Variants in ROR1 observed in about 807,000 individuals in gnomAD.
ROR1 encodes the protein inactive tyrosine-protein kinase transmembrane receptor ROR1.
ROR1 carries 19 observed loss-of-function variants against 78.8 expected under a neutral mutation model. That is an observed-to-expected ratio of 0.24 (90% CI 0.17 to 0.35). ROR1 has a LOEUF of 0.35. Among genes scored for constraint, ROR1 ranks in the 10% least tolerant of loss-of-function variants. The pLI is 1.00. For synonymous variants in ROR1, 386 were observed against 433.6 expected (o/e 0.89, Z 1.36); for missense variants, 917 against 1,177.8 (o/e 0.78, Z 3.24).
intron 4 of ROR1, among the ~76,000 whole-genome samples, chr1:64,131,154 G>T (rs532566149): frequency 6.6e-6 from 1 of 152,256 alleles, no homozygotes; most frequent in East Asian, 1.9e-4. Context: ...ATCTCTTTGA[G>T]CTGTGTGATG....
At chr1:63,881,467 C>T (rs955921475) in intron 1 of ROR1, among the ~76,000 whole-genome samples, 8 of 152,114 alleles carry the variant, frequency 5.3e-5, no homozygotes, top group South Asian at 2.1e-4. Context: ...GCTATGGACA[C>T]CAAGACCAAT....
intron 1 of ROR1, among the ~76,000 whole-genome samples, chr1:63,791,418 G>T (rs1352536088): frequency 6.6e-6 from 1 of 152,118 alleles, no homozygotes; most frequent in East Asian, 1.9e-4. Context: ...GTTTTAAAAT[G>T]ATATTAGTAA....
intron 1 of ROR1, among the ~76,000 whole-genome samples, chr1:63,913,090 T>C (rs991498103): frequency 4.6e-5 from 7 of 152,130 alleles, no homozygotes; most frequent in Non-Finnish European, 7.4e-5. Flanking sequence ...GTGGTTTTAC[T>C]TCTGGTAGGT....
intron 1 of ROR1, among the ~76,000 whole-genome samples, chr1:63,816,462 C>T (rs1644892702): frequency 6.6e-6 from 1 of 152,128 alleles, no homozygotes. Flanking sequence ...TGCTGCCATC[C>T]ATGTAAGATG....
chr1:63,893,092 A>G (rs1350120052), intron 1 of ROR1, among the ~76,000 whole-genome samples: 1 of 152,190 alleles, frequency 6.6e-6, no homozygotes, highest in Non-Finnish European at 1.5e-5. Flanking sequence ...AGTGGTGGAC[A>G]CAGTCTACCA....
intron 4 of ROR1, among the ~76,000 whole-genome samples, chr1:64,129,547 A>G (rs978019934): frequency 1.3e-5 from 2 of 152,200 alleles, no homozygotes; most frequent in African/African-American, 4.8e-5. Flanking sequence ...AGTGTCACCT[A>G]TGCATTTCCA....
chr1:64,167,335 GCTAA>G (rs529939959), intron 8 of ROR1, among the ~76,000 whole-genome samples: 26 of 152,270 alleles, frequency 1.7e-4, no homozygotes, highest in Admixed American at 1.6e-3. Context: ...AAACATTCAA[GCTAA>G]CTATCAGAAA....
At chr1:63,873,202 A>G (rs1002281703) in intron 1 of ROR1, among the ~76,000 whole-genome samples, 1 of 152,098 alleles carries the variant, frequency 6.6e-6, no homozygotes, top group Non-Finnish European at 1.5e-5. Flanking sequence ...CTACATGGAG[A>G]CACGTACCTT....
intron 4 of ROR1, among the ~76,000 whole-genome samples, chr1:64,078,117 A>G (rs1647067677): frequency 6.6e-6 from 1 of 152,232 alleles, no homozygotes; most frequent in African/African-American, 2.4e-5. Context: ...ACAGTTGATC[A>G]AGCATTTGCT....
chr1:64,028,142 C>A (rs372698337), intron 2 of ROR1, among the ~76,000 whole-genome samples: 25 of 152,192 alleles, frequency 1.6e-4, no homozygotes, highest in South Asian at 1.2e-3. Context: ...TAAAAAAATT[C>A]TTTTCACTGA....
At chr1:63,969,859 T>G (rs1387518895) in intron 1 of ROR1, among the ~76,000 whole-genome samples, 1 of 152,186 alleles carries the variant, frequency 6.6e-6, no homozygotes, top group Non-Finnish European at 1.5e-5. Flanking sequence ...ATGACTCCTC[T>G]GCACAGTGCC....
chr1:64,087,081 A>T (rs763867016), intron 4 of ROR1, among the ~76,000 whole-genome samples: 2 of 152,218 alleles, frequency 1.3e-5, no homozygotes, highest in African/African-American at 4.8e-5. Flanking sequence ...AGACCCTATG[A>T]TATGATATAC....
chr1:64,083,306 G>T (rs1647119183), intron 4 of ROR1, among the ~76,000 whole-genome samples: 1 of 152,160 alleles, frequency 6.6e-6, no homozygotes. Flanking sequence ...ATCTGAGTAG[G>T]GACTGAGGTC....
chr1:64,072,322 A>G (rs1334328139), intron 4 of ROR1, among the ~76,000 whole-genome samples: 1 of 152,098 alleles, frequency 6.6e-6, no homozygotes, highest in Non-Finnish European at 1.5e-5. Context: ...CTGTGTGTAA[A>G]TGGCCCTCAG....
intron 4 of ROR1, among the ~76,000 whole-genome samples, chr1:64,122,189 A>G (rs929253148): frequency 6.6e-6 from 1 of 152,252 alleles, no homozygotes; most frequent in Non-Finnish European, 1.5e-5. Context: ...CTTATGAGTC[A>G]GGTTAAGGAA....
At chr1:64,035,503 T>C (rs529454250) in intron 2 of ROR1, among the ~76,000 whole-genome samples, 1 of 152,292 alleles carries the variant, frequency 6.6e-6, no homozygotes, top group Non-Finnish European at 1.5e-5. Context: ...TTTATAACCC[T>C]GTCCTTCTGG....
At chr1:63,941,278 A>G (rs1183048811) in intron 1 of ROR1, among the ~76,000 whole-genome samples, 4 of 152,190 alleles carry the variant, frequency 2.6e-5, no homozygotes, top group African/African-American at 9.7e-5. Context: ...ATTAAGGGGC[A>G]AAGGGATATG....
chr1:63,951,818 A>G lies in ROR1; in HGVS notation c.92-57487A>G, dbSNP rs11807947. On this transcript the variant is annotated intron_variant, in intron 1 of 8. Coordinates refer to ENST00000371079, the MANE Select transcript of ROR1 (RefSeq NM_005012.4). ...ATCTGCCCCTGAGAACCAGAAGTAC[A>G]AATATGCTGAAGTAGGGAACAAGCT... 9.0e-3 allele frequency among the ~76,000 whole-genome samples: 1,366 copies of G among 152,306 alleles called. 19 individuals carry two copies. The highest frequency in any genetic ancestry group is 0.031 in the African/African-American group (1,278 of 41,566).
At chr1:63,790,734 C>T (rs995109331) in intron 1 of ROR1, among the ~76,000 whole-genome samples, 5 of 152,222 alleles carry the variant, frequency 3.3e-5, no homozygotes, top group African/African-American at 9.6e-5. Flanking sequence ...TTTTCTCCCT[C>T]CCTGTTGCTC....
Sources: allele counts gnomAD v4.1 joint callset (sites outside exome capture counted in the v4.1 genomes callset), GRCh38; gene constraint gnomAD v4.1.1; transcripts MANE v1.5; gene names NCBI Gene and HGNC (gene_info 2026-07-23, HGNC 2026-07-21).